The following DENND2B variants were observed in gnomAD, a reference collection of about 807,000 sequenced individuals.
DENND2B encodes DENN domain containing 2B, also known as DENN domain-containing protein 2B.
In DENND2B, 32 loss-of-function variants were observed where a neutral mutation model predicts 116.0. The observed-to-expected ratio is 0.28, with a 90% CI of 0.21 to 0.37. The LOEUF (loss-of-function observed/expected upper bound fraction) is 0.37, where lower values mean the gene tolerates loss of function less well. Among genes scored for constraint, DENND2B ranks in the 10% least tolerant of loss-of-function variants. The probability of loss-of-function intolerance (pLI) is 1.00; values close to 1 mark genes in which losing one functional copy is unlikely to be tolerated. For missense variants in DENND2B, 1,276 were observed against 1,477.7 expected (o/e 0.86, Z 2.24); for synonymous variants, 588 against 583.9 (o/e 1.01, Z -0.10).
In DENND2B at chr11:8,696,562, T is replaced by G; in HGVS notation, c.3157A>C (p.Arg1053=). The change falls in exon 18 of 20, where the codon AGG becomes CGG. Residue 1053 remains arginine (R), a synonymous_variant. Transcript: ENST00000313726. ...CGGAAGGCCTCTCGCTGAAAGGCCC[T>G]CTCTCCCTTCTCACTCTGTGTCAGA... ...LFLTQSEKGE[R]AFQREAFRKS... The G allele has an allele frequency of 6.2e-7, 1 of 1,614,140 alleles. No individual in the cohort carries two copies. Among genetic ancestry groups the G allele is most frequent in the Non-Finnish European group, 8.5e-7 (1 of 1,180,016 alleles).
At chr11:8,756,484 C>G (rs538507255) in intron 1 of DENND2B, among the ~76,000 whole-genome samples, 2 of 152,182 alleles carry the variant, frequency 1.3e-5, no homozygotes, top group Non-Finnish European at 2.9e-5. Flanking sequence ...TCAGAAGTGG[C>G]CTGGGAATTC....
rs1429724223 is a variant in DENND2B, at chr11:8,730,239, G to A, written c.1051C>T (p.Pro351Ser). 7 of 1,612,216 alleles carry A rather than the reference G, an allele frequency of 4.3e-6. No individual in the cohort carries two copies. The highest frequency in any genetic ancestry group is 1.1e-5 in the South Asian group (1 of 90,978). ...GAACCACTGCCTTCCCTCTCTGGGGGTGGGCCCGCCTCCCCCGCAACACCA... is the reference window on the plus strand; with the variant it reads ...GAACCACTGCCTTCCCTCTCTGGGGATGGGCCCGCCTCCCCCGCAACACCA... ...VAGVAGEAGP[P>S]PEREGSGSTK... The change falls in exon 3 of 20, where the codon CCC becomes TCC. Residue 351 changes from proline to serine, a missense_variant. Physicochemically the swap from Pro to Ser is moderately conservative, Grantham distance 74. Transcript: ENST00000313726. This position sits in a 1 kb window ranked among gnomAD's most constrained non-coding sequence, Gnocchi z 4.1.
chr11:8,746,914 C>T (rs570426890), intron 2 of DENND2B, among the ~76,000 whole-genome samples: 43 of 152,266 alleles, frequency 2.8e-4, no homozygotes, highest in Non-Finnish European at 5.6e-4. Context: ...GGAGTACCTC[C>T]TCTTTTCTGT....
chr11:8,839,327 G>C (rs1325635527), exon 4 of DENND2B: 2 of 152,180 alleles, frequency 1.3e-5, no homozygotes, highest in Non-Finnish European at 2.9e-5. Flanking sequence ...ATCCAAGAAA[G>C]AAACTCTCCA....
At chr11:8,849,442 G>A (rs1339584292) in intron 3 of DENND2B, among the ~76,000 whole-genome samples, 3 of 133,836 alleles carry the variant, frequency 2.2e-5, no homozygotes, top group Non-Finnish European at 3.1e-5. Flanking sequence ...GCCATGAGCC[G>A]AGATCACACC....
intron 1 of DENND2B, chr11:8,784,607 G>A (rs3751071): frequency 0.57 from 86,934 of 152,028 alleles, 26,086 homozygotes; most frequent in Non-Finnish European, 0.66. Context: ...GGAGGCCGAG[G>A]CGGGTGGGTC....
At chr11:8,843,648 G>T (rs1446247796) in intron 3 of DENND2B, among the ~76,000 whole-genome samples, 3 of 152,048 alleles carry the variant, frequency 2.0e-5, no homozygotes, top group Non-Finnish European at 4.4e-5. Flanking sequence ...TCCTTTCCAA[G>T]CCCTCCTCTC....
chr11:8,710,866 A>C lies in DENND2B; in HGVS notation c.2331T>G (p.Phe777Leu). The change falls in exon 11 of 20, where the codon TTT (phenylalanine) becomes TTG (leucine). Residue 777 changes from phenylalanine to leucine, a missense_variant. Transcript: ENST00000313726. Reference sequence around the variant, plus strand: ...TCACCAGTAAGCGCCTGCAGTAGCCAAAGCGTCTGCTGCCATCTTCCCCAG... The same window carrying C: ...TCACCAGTAAGCGCCTGCAGTAGCCCAAGCGTCTGCTGCCATCTTCCCCAG... ...MLTGEDGSRRFGYCRRLLPSG... is the reference protein window; with the variant it reads ...MLTGEDGSRRLGYCRRLLPSG... The C allele has an allele frequency of 6.2e-7, 1 of 1,613,970 alleles. No individual in the cohort carries two copies. The highest frequency in any genetic ancestry group is 8.5e-7 in the Non-Finnish European group (1 of 1,180,002).
In DENND2B at chr11:8,712,384, G is replaced by A. The variant is rs2043915568; in HGVS notation, c.2172+167C>T. Among the ~76,000 whole-genome samples, 1 of 152,122 alleles carries A rather than the reference G, an allele frequency of 6.6e-6. No individual in the cohort carries two copies. The highest frequency in any genetic ancestry group is 6.5e-5 in the Admixed American group (1 of 15,272). ...CAAGCACTGGCCCAAACCCACCCCC[G>A]CTGCAGCCCTGTCTTCCCTCCTGGC... On this transcript the variant is annotated intron_variant, in intron 9 of 19. Transcript: ENST00000313726. The surrounding 1 kb of genome is among the most constrained non-coding windows in gnomAD (Gnocchi z 4.4).
intron 13 of DENND2B, among the ~76,000 whole-genome samples, chr11:8,705,524 C>T (rs1025699294): frequency 2.0e-5 from 3 of 152,160 alleles, no homozygotes; most frequent in Admixed American, 2.0e-4. Flanking sequence ...CTGAGGAGGA[C>T]CCCATACTGG....
At chr11:8,784,065 T>C (rs1289713347) in intron 1 of DENND2B, 6 of 152,144 alleles carry the variant, frequency 3.9e-5, no homozygotes, top group Admixed American at 3.9e-4. Context: ...GCGAAGTGTG[T>C]GAGCGAAGGA....
intron 1 of DENND2B, among the ~76,000 whole-genome samples, chr11:8,807,503 C>T (rs979780702): frequency 3.3e-5 from 5 of 152,140 alleles, no homozygotes; most frequent in Non-Finnish European, 5.9e-5. Flanking sequence ...ACCAGCAGAA[C>T]CAAGGGTGTC....
chr11:8,851,826 G>T (rs945127605), intron 3 of DENND2B, among the ~76,000 whole-genome samples: 1 of 151,892 alleles, frequency 6.6e-6, no homozygotes, highest in Non-Finnish European at 1.5e-5. Flanking sequence ...TATATATTTT[G>T]GTATATATAT....
chr11:8,727,379 A>G (rs2047250709), intron 3 of DENND2B, among the ~76,000 whole-genome samples: 1 of 152,088 alleles, frequency 6.6e-6, no homozygotes, highest in Admixed American at 6.6e-5. Context: ...CACTCAACAC[A>G]ACCGAACACT....
At chr11:8,719,139 C>T in intron 4 of DENND2B, 2 of 985,630 alleles carry the variant, frequency 2.0e-6, no homozygotes, top group South Asian at 4.7e-5. Flanking sequence ...AGGAAGCAGG[C>T]AGAAGAAGGA....
chr11:8,896,965 C>T (rs186509559), intron 1 of DENND2B, among the ~76,000 whole-genome samples: 303 of 152,264 alleles, frequency 2.0e-3, no homozygotes, highest in African/African-American at 6.8e-3. Flanking sequence ...AGACTGGGCT[C>T]GGTGGCTCAT....
intron 3 of DENND2B, chr11:8,857,244 G>A (rs925659515): frequency 6.6e-6 from 1 of 152,084 alleles, no homozygotes; most frequent in African/African-American, 2.4e-5. Context: ...TACACATATT[G>A]CCTGATAATT....
At chr11:8,719,983 A>T (rs1423639985) in intron 4 of DENND2B, among the ~76,000 whole-genome samples, 1 of 152,174 alleles carries the variant, frequency 6.6e-6, no homozygotes, top group Non-Finnish European at 1.5e-5. Context: ...GTCCATTTTT[A>T]GGATGTTTAG....
At chr11:8,864,302 C>T (rs1014165793) in intron 2 of DENND2B, among the ~76,000 whole-genome samples, 3 of 152,200 alleles carry the variant, frequency 2.0e-5, no homozygotes, top group African/African-American at 7.2e-5. Flanking sequence ...GGGGCTCACT[C>T]TGTTGCTCAG....
Sources: gnomAD v4.1 joint callset for allele counts (sites outside exome capture counted in the v4.1 genomes callset) on GRCh38, gnomAD v4.1.1 for gene constraint, Gnocchi (gnomAD v3.1) non-coding constraint, MANE v1.5 for transcripts, NCBI Gene and HGNC (gene_info 2026-07-23, HGNC 2026-07-21) for gene names.